The following TTK variants were observed in gnomAD, a reference collection of about 807,000 sequenced individuals.
The protein encoded by TTK is dual specificity protein kinase TTK.
In TTK, 59 loss-of-function variants were observed where a neutral mutation model predicts 117.3. The ratio of observed to expected loss-of-function variants is 0.50; its 90% CI spans 0.41 to 0.62. The LOEUF is 0.62. TTK is among the 20% of genes least tolerant of loss of function. The pLI, the probability that TTK is intolerant of heterozygous loss-of-function variation, is 0.00. For missense variants in TTK, 921 were observed against 989.4 expected, an observed-to-expected ratio of 0.93 and a Z score of 0.93; for synonymous variants, 302 against 325.0, an observed-to-expected ratio of 0.93 and a Z score of 0.76.
chr6:80,014,052 G>A (rs1767238492), intron 9 of TTK, among the ~76,000 whole-genome samples: 1 of 152,084 alleles, frequency 6.6e-6, no homozygotes. Context: ...TCTGGATTTA[G>A]AGTAACTACT....
chr6:80,017,300 C>G (rs1767334028), intron 10 of TTK, among the ~76,000 whole-genome samples: 1 of 152,078 alleles, frequency 6.6e-6, no homozygotes, highest in African/African-American at 2.4e-5. Flanking sequence ...TTTTTTGAGA[C>G]AGGGTCTTGC....
chr6:80,036,641 T>C, intron 17 of TTK, 42 bp downstream of exon 17: 1 of 1,543,386 alleles, frequency 6.5e-7, no homozygotes. Context: ...AGTTCAATTC[T>C]TTTTTTACCT....
chr6:80,040,255 A>G lies in TTK; in HGVS notation c.2367A>G (p.Pro789=), dbSNP rs1801460. 10 of 1,589,284 alleles carry G rather than the reference A, an allele frequency of 6.3e-6. No homozygotes were observed. The highest frequency in any genetic ancestry group is 2.7e-5 in the African/African-American group (2 of 73,886). Residue 789 remains proline, a synonymous_variant, in exon 20 of 22, where the codon CCA becomes CCG. Coordinates refer to ENST00000369798, the MANE Select transcript of TTK (RefSeq NM_003318.5). ...RISIPELLAH[P]YVQIQTHPVN... The stretch of plus-strand genomic sequence containing the variant: ...CCATTCCTGAGCTCCTGGCTCATCC[A>G]TATGTTCAAATTCAAACTCATCCAG...
chr6:80,012,191 G>T (rs1022544112), intron 8 of TTK, among the ~76,000 whole-genome samples: 3 of 151,860 alleles, frequency 2.0e-5, no homozygotes, highest in African/African-American at 4.8e-5. Flanking sequence ...TTCATTAAAG[G>T]AGCTTTAAAA....
chr6:80,039,697 T>A lies in TTK; in HGVS notation c.2132T>A (p.Ile711Lys). The A allele has an allele frequency of 6.7e-7, 1 of 1,496,544 alleles. No individual in the cohort carries two copies. Among genetic ancestry groups the A allele is most frequent in the Non-Finnish European group, 8.9e-7 (1 of 1,128,396 alleles). 92.7% of individuals were successfully genotyped at this position (1,496,544 alleles called of 1,614,324 possible). Residue 711 changes from isoleucine to lysine, a missense_variant and splice_region_variant, in exon 19 of 22, where the codon ATA becomes AAA. Ile to Lys is a moderately radical substitution (Grantham distance 102). Coordinates refer to ENST00000369798, the MANE Select transcript of TTK (RefSeq NM_003318.5). ...SRENGKSKSK[I>K]SPKSDVWSLG... ...TGTGTTTGTTTGTTTTTTTCTTAGA[T>A]AAGCCCCAAAAGTGATGTTTGGTCC...
rs1767036486 is a variant in TTK, at chr6:80,007,878, T to G, written c.209T>G (p.Leu70Arg). The change falls in exon 3 of 22, where the codon CTC becomes CGC. Residue 70 changes from leucine (L) to arginine (R), a missense_variant. Coordinates refer to ENST00000369798, the MANE Select transcript of TTK (RefSeq NM_003318.5). ...CCAGAGGACTGGTTGAGTTTGTTGC[T>G]CAAACTAGAGAAAAACAGTGTTCCG... ...NNPEDWLSLLLKLEKNSVPLS... is the reference protein window; with the variant it reads ...NNPEDWLSLLRKLEKNSVPLS... The G allele has an allele frequency of 6.2e-7, 1 of 1,613,450 alleles. No homozygotes were observed. Among genetic ancestry groups the G allele is most frequent in the Non-Finnish European group, 8.5e-7 (1 of 1,179,592 alleles).
chr6:80,022,214 T>A, intron 10 of TTK, 110 bp from the exon 11 acceptor site: 1 of 1,185,498 alleles, frequency 8.4e-7, no homozygotes, highest in Non-Finnish European at 1.1e-6. Context: ...CCTCCTTGAT[T>A]GTTTTTAAGA....
intron 10 of TTK, among the ~76,000 whole-genome samples, chr6:80,021,371 C>A (rs1266939869): frequency 6.6e-6 from 1 of 152,184 alleles, no homozygotes; most frequent in African/African-American, 2.4e-5. Context: ...GCCAATTGCT[C>A]CACTTGTTGG....
intron 13 of TTK, among the ~76,000 whole-genome samples, chr6:80,030,455 G>A (rs775318555): frequency 1.1e-4 from 17 of 152,104 alleles, no homozygotes; most frequent in Non-Finnish European, 1.0e-4. Context: ...TTCTTACACT[G>A]CTATAAAGAA....
rs1320101585 is a variant in TTK at position 80,015,057 on chromosome 6, A to G, written c.1108+471A>G. On this transcript the variant is annotated intron_variant, in intron 10 of 21. Coordinates refer to ENST00000369798, the MANE Select transcript of TTK (RefSeq NM_003318.5). The stretch of plus-strand genomic sequence containing the variant: ...TGCTGAATAGAATGTGGAGATTGTC[A>G]TGAGAGCCACATAAATGAAATGCTA... 2.0e-5 allele frequency among the ~76,000 whole-genome samples: 3 copies of G among 152,208 alleles called. No individual in the cohort carries two copies. In the East Asian group the frequency reaches 5.8e-4, roughly 29 times the overall value.
At chr6:80,024,863 C>T (rs1240110063) in intron 11 of TTK, among the ~76,000 whole-genome samples, 1 of 152,064 alleles carries the variant, frequency 6.6e-6, no homozygotes, top group African/African-American at 2.4e-5. Flanking sequence ...GTTCTGTGTC[C>T]AGACCATTTC....
rs1457977704 is a variant in TTK at position 80,036,670 on chromosome 6, A to G, written c.2049+71A>G. 13 of 1,450,104 alleles carry G rather than the reference A, an allele frequency of 9.0e-6. No individual in the cohort carries two copies. In the East Asian group the frequency reaches 2.9e-4, roughly 32 times the overall value. 89.8% of individuals were successfully genotyped at this position (1,450,104 alleles called of 1,614,324 possible). On this transcript the variant is annotated intron_variant, in intron 17 of 21. Transcript: ENST00000369798. ...TTTACCTGTGAAGTATTATATTGCAAATGAGTGTTATATTTTTAATCACCT... is the reference window on the plus strand; with the variant it reads ...TTTACCTGTGAAGTATTATATTGCAGATGAGTGTTATATTTTTAATCACCT...
chr6:80,011,593 G>C, intron 6 of TTK, 45 bp downstream of exon 6: 1 of 1,559,170 alleles, frequency 6.4e-7, no homozygotes. Flanking sequence ...TTCTATGTAA[G>C]TACATCTGTG....
Position 80,035,156 on chromosome 6 carries a change from T to A in TTK, c.1772+14T>A. On this transcript the variant is annotated intron_variant, in intron 15 of 21. Transcript: ENST00000369798. ...ACTTTATGATTAGTAAGAATTCTTT[T>A]TAAATTTAAAAAGAAAACTTTTTGC... 1 of 1,539,944 alleles carries A rather than the reference T, an allele frequency of 6.5e-7. No individual in the cohort carries two copies. Among genetic ancestry groups the A allele is most frequent in the Non-Finnish European group, 8.7e-7 (1 of 1,148,662 alleles).
At position 80,005,921 on chromosome 6, in the gene TTK, G is replaced by A. The variant is rs1180881820; in HGVS notation, c.78G>A (p.Lys26=). 6.2e-7 allele frequency: 1 copy of A among 1,612,682 alleles called. No homozygotes were observed. The highest frequency in any genetic ancestry group is 8.5e-7 in the Non-Finnish European group (1 of 1,179,588). ...ACAAAGTGAGAGACATTAAAAATAA[G>A]TTTAAAAATGAAGACCTTACTGATG... ...IMNKVRDIKN[K]FKNEDLTDEL... is the part of the protein sequence containing the mutation. Residue 26 remains lysine (K), a synonymous_variant, in exon 2 of 22, where the codon AAG becomes AAA. Transcript: ENST00000369798.
chr6:80,042,063 G>A (rs652752), intron 21 of TTK, 56 bp from the exon 22 acceptor site: 519,452 of 999,182 alleles, frequency 0.52, 137,608 homozygotes, highest in Admixed American at 0.67. Context: ...ATCTACTGAT[G>A]TGACAGTACA....
chr6:80,026,210 TAAA>T (rs1242972648), intron 11 of TTK, among the ~76,000 whole-genome samples, 165 bp from the exon 12 acceptor site: 2 of 152,286 alleles, frequency 1.3e-5, no homozygotes, highest in Admixed American at 1.3e-4. Context: ...ATAACTACAC[TAAA>T]AAAATTATTG....
intron 10 of TTK, among the ~76,000 whole-genome samples, chr6:80,018,106 T>G (rs1469411894): frequency 6.6e-6 from 1 of 151,378 alleles, no homozygotes; most frequent in Non-Finnish European, 1.5e-5. Flanking sequence ...GCCCAGGAGG[T>G]CGAGACTGCA....
At chr6:80,025,599 T>A (rs1274854801) in intron 11 of TTK, among the ~76,000 whole-genome samples, 1 of 152,212 alleles carries the variant, frequency 6.6e-6, no homozygotes, top group Non-Finnish European at 1.5e-5. Flanking sequence ...AAACTTTATG[T>A]AAAGGGTTAG....
Sources: allele counts gnomAD v4.1 joint callset (sites outside exome capture counted in the v4.1 genomes callset), GRCh38; gene constraint gnomAD v4.1.1; transcripts MANE v1.5; gene names NCBI Gene and HGNC (gene_info 2026-07-23, HGNC 2026-07-21).